The following ADAMTS17 variants were observed in gnomAD, a reference collection of about 807,000 sequenced individuals.
ADAMTS17 encodes the protein A disintegrin and metalloproteinase with thrombospondin motifs 17.
Under a neutral mutation model 141.5 loss-of-function variants are expected in ADAMTS17, and 113 were observed. The ratio of observed to expected loss-of-function variants is 0.80; its 90% CI spans 0.69 to 0.93. The LOEUF (loss-of-function observed/expected upper bound fraction) is 0.93. Among genes scored for constraint, ADAMTS17 ranks in the 40% least tolerant of loss-of-function variants. The pLI is 0.00. For synonymous variants in ADAMTS17, 768 were observed against 630.6 expected, an observed-to-expected ratio of 1.22 and a Z score of -3.27; for missense variants, 1,659 against 1,517.9, an observed-to-expected ratio of 1.09 and a Z score of -1.54.
intron 18 of ADAMTS17, among the ~76,000 whole-genome samples, chr15:100,036,619 A>G (rs919089059): frequency 6.6e-6 from 1 of 152,250 alleles, no homozygotes; most frequent in Non-Finnish European, 1.5e-5. Context: ...GACATAACTC[A>G]TATACCACAA....
intron 7 of ADAMTS17, among the ~76,000 whole-genome samples, chr15:100,230,297 G>A (rs2042438519): frequency 6.6e-6 from 1 of 152,196 alleles, no homozygotes; most frequent in Non-Finnish European, 1.5e-5. Context: ...TCTACAGAGC[G>A]TCCAGTGGGT....
chr15:100,140,488 C>CATACATATACATATACATATAT (rs1386955753), intron 10 of ADAMTS17, among the ~76,000 whole-genome samples: 4 of 124,936 alleles, frequency 3.2e-5, no homozygotes, highest in African/African-American at 1.1e-4. Context: ...CACATACATA[C>CATACATATACATATACATATAT]ATATATATAT....
In ADAMTS17 at chr15:100,152,593, C is replaced by G; in HGVS notation, c.1473+19G>C. The G allele has an allele frequency of 6.2e-7, 1 of 1,612,744 alleles. No individual in the cohort carries two copies. The highest frequency in any genetic ancestry group is 8.5e-7 in the Non-Finnish European group (1 of 1,179,976). On this transcript the variant is annotated intron_variant, in intron 10 of 21. Coordinates refer to ENST00000268070, the MANE Select transcript of ADAMTS17 (RefSeq NM_139057.4). ...GGATCCATGCTCTGTCCCGAGCCAGCCCTCCCACGGCTGCTTACCTCCATG... is the reference window on the plus strand; with the variant it reads ...GGATCCATGCTCTGTCCCGAGCCAGGCCTCCCACGGCTGCTTACCTCCATG...
At chr15:100,232,840 C>T (rs963537838) in intron 7 of ADAMTS17, among the ~76,000 whole-genome samples, 2 of 152,110 alleles carry the variant, frequency 1.3e-5, no homozygotes, top group East Asian at 1.9e-4. Flanking sequence ...TTGGAGGCGG[C>T]GCAGATCGAT....
chr15:100,283,998 C>G (rs892487753), intron 3 of ADAMTS17, among the ~76,000 whole-genome samples: 28 of 152,202 alleles, frequency 1.8e-4, no homozygotes, highest in Admixed American at 1.4e-3. Flanking sequence ...CCCAGCCACT[C>G]GGGAGGCGAG....
chr15:100,136,116 T>C (rs1246834008), intron 10 of ADAMTS17, among the ~76,000 whole-genome samples: 1 of 152,184 alleles, frequency 6.6e-6, no homozygotes, highest in Non-Finnish European at 1.5e-5. Flanking sequence ...ACCAAAGACA[T>C]TGTCAAGAAA....
Position 99,974,310 on chromosome 15 carries a change from C to G in ADAMTS17, c.*92G>C. 1.9e-6 allele frequency: 3 copies of G among 1,546,630 alleles called. No homozygotes were observed. Among genetic ancestry groups the G allele is most frequent in the Non-Finnish European group, 2.7e-6 (3 of 1,126,144 alleles). Reference sequence around the variant, plus strand: ...TATGTAGTTGGATTCTTGTGGCAGCCGGGTGGGGGCGTGGCCACAAGGCTG... The same window carrying G: ...TATGTAGTTGGATTCTTGTGGCAGCGGGGTGGGGGCGTGGCCACAAGGCTG... On this transcript the variant is annotated 3_prime_UTR_variant, in exon 22 of 22. Coordinates refer to ENST00000268070, the MANE Select transcript of ADAMTS17 (RefSeq NM_139057.4).
At chr15:100,332,963 C>T (rs2046100501) in intron 2 of ADAMTS17, among the ~76,000 whole-genome samples, 1 of 152,168 alleles carries the variant, frequency 6.6e-6, no homozygotes, top group African/African-American at 2.4e-5. Flanking sequence ...CCTGCCTCCT[C>T]CTCCCTCACT....
At chr15:99,995,093 G>A (rs530840708) in intron 19 of ADAMTS17, among the ~76,000 whole-genome samples, 18 of 152,326 alleles carry the variant, frequency 1.2e-4, no homozygotes, top group African/African-American at 3.4e-4. Flanking sequence ...GGGGTAGGAG[G>A]CTGATTGCAG....
intron 8 of ADAMTS17, among the ~76,000 whole-genome samples, chr15:100,173,140 G>C (rs905730558): frequency 6.6e-6 from 1 of 152,140 alleles, no homozygotes. Flanking sequence ...AGGAACTCTT[G>C]CACTATTTTA....
At position 100,209,653 on chromosome 15, in the gene ADAMTS17, G is replaced by A. The variant is rs181391702; in HGVS notation, c.1076-10230C>T. 1.2e-4 allele frequency among the ~76,000 whole-genome samples: 18 copies of A among 150,756 alleles called. No homozygotes were observed. The East Asian group carries it at 2.7e-3, about 23-fold the overall frequency. On this transcript the variant is annotated intron_variant, in intron 7 of 21. Coordinates refer to ENST00000268070, the MANE Select transcript of ADAMTS17 (RefSeq NM_139057.4). ...AGAATGTTGATGAGAGCCACACCAC[G>A]AAGTCAAGTGGGCACTAAGATTACA...
chr15:100,109,260 C>CCAGCTCCTCTAACCACGCGGCA, intron 13 of ADAMTS17, 144 bp from the exon 14 acceptor site: 4 of 1,165,200 alleles, frequency 3.4e-6, no homozygotes, highest in East Asian at 2.6e-5. Context: ...GGTACGCGCT[C>CCAGCTCCTCTAACCACGCGGCA]CAGGAAGCGG....
At chr15:100,155,452 A>C in intron 8 of ADAMTS17, 132 bp from the exon 9 acceptor site, 22 of 1,217,908 alleles carry the variant, frequency 1.8e-5, no homozygotes, top group Middle Eastern at 2.5e-4. Context: ...AGTGGTTCTC[A>C]CACAGCAGAC....
At chr15:100,058,064 C>A (rs1323927025) in intron 15 of ADAMTS17, among the ~76,000 whole-genome samples, 1 of 151,930 alleles carries the variant, frequency 6.6e-6, no homozygotes, top group African/African-American at 2.4e-5. Context: ...CAGCTGAGTA[C>A]CCCTGAGAGG....
At chr15:100,245,691 C>T (rs2042965060) in intron 7 of ADAMTS17, among the ~76,000 whole-genome samples, 1 of 152,198 alleles carries the variant, frequency 6.6e-6, no homozygotes, top group African/African-American at 2.4e-5. Context: ...AAACACAAAC[C>T]TCCTGCAGTG....
intron 8 of ADAMTS17, among the ~76,000 whole-genome samples, chr15:100,192,269 G>A (rs2040948194): frequency 1.3e-5 from 2 of 152,196 alleles, no homozygotes; most frequent in African/African-American, 4.8e-5. Context: ...CAGTAGAGAA[G>A]GGAAGACTGC....
intron 18 of ADAMTS17, among the ~76,000 whole-genome samples, chr15:100,036,242 T>G (rs573549123): frequency 7.2e-5 from 11 of 152,218 alleles, no homozygotes; most frequent in Non-Finnish European, 1.0e-4. Context: ...AGGTGCACTG[T>G]GAAAGGGCCT....
At chr15:100,070,119 C>A (rs1287540109) in intron 15 of ADAMTS17, among the ~76,000 whole-genome samples, 1 of 149,966 alleles carries the variant, frequency 6.7e-6, no homozygotes, top group African/African-American at 2.5e-5. Flanking sequence ...AGACTTTAAT[C>A]CAACAAAGAT....
chr15:99,976,474 C>T, intron 20 of ADAMTS17: 1 of 601,808 alleles, frequency 1.7e-6, no homozygotes, highest in South Asian at 2.0e-5. Context: ...GTGTGTCATG[C>T]CCAGGCACTT....
Sources: gnomAD v4.1 joint callset for allele counts (sites outside exome capture counted in the v4.1 genomes callset) on GRCh38, gnomAD v4.1.1 for gene constraint, MANE v1.5 for transcripts, NCBI Gene and HGNC (gene_info 2026-07-23, HGNC 2026-07-21) for gene names.